Variants in CCDC18 observed in about 807,000 individuals in gnomAD.
CCDC18 encodes the protein coiled-coil domain containing 18, also known as coiled-coil domain-containing protein 18.
In CCDC18, 157 loss-of-function variants were observed where a neutral mutation model predicts 196.0. That is an observed-to-expected ratio of 0.80 (90% CI 0.70 to 0.91). CCDC18 has a LOEUF of 0.91. CCDC18 is among the 40% of genes least tolerant of loss of function. The probability of loss-of-function intolerance (pLI) is 0.00; values close to 1 mark genes in which losing one functional copy is unlikely to be tolerated. For synonymous variants in CCDC18, 482 were observed against 529.2 expected (o/e 0.91, Z 1.22); for missense variants, 1,465 against 1,611.6 (o/e 0.91, Z 1.56).
chr1:93,272,949 C>T (rs1011226796), intron 28 of CCDC18, among the ~76,000 whole-genome samples: 3 of 111,270 alleles, frequency 2.7e-5, no homozygotes, highest in Admixed American at 2.5e-4. Context: ...AGGAGTTGGT[C>T]TTGGATAAAA....
At chr1:93,180,513 T>A (rs200461387), upstream of CCDC18, 2,029 of 1,534,334 alleles carry the variant, frequency 1.3e-3, 2 homozygotes, top group Non-Finnish European at 1.6e-3. Context: ...CCTCTCCCCC[T>A]GACGGCCTCC....
intron 7 of CCDC18, 31 bp from the exon 8 acceptor site, chr1:93,205,479 A>G (rs1366260047): frequency 6.4e-7 from 1 of 1,553,760 alleles, no homozygotes; most frequent in East Asian, 2.3e-5. Context: ...TTACAACCAC[A>G]TTAGTATGTC....
rs1010414824 is a variant in CCDC18 at position 93,210,739 on chromosome 1, G to A, written c.1210-63G>A. 67 of 1,300,264 alleles carry A rather than the reference G, an allele frequency of 5.2e-5. 1 individual carries two copies. Among genetic ancestry groups the A allele is most frequent in the Middle Eastern group, 2.1e-4 (1 of 4,736 alleles). 80.5% of individuals were successfully genotyped at this position (1,300,264 alleles called of 1,614,324 possible). A position where few individuals can be genotyped will look rare whatever the true frequency, so the allele number is the denominator to read the frequency against. On this transcript the variant is annotated intron_variant, in intron 9 of 28. Transcript: ENST00000690025. ...TACAGTTTTTAAAATTTGAAGTTCTGAATAAAAAAGCAAATGCATCTCATT... is the reference window on the plus strand; with the variant it reads ...TACAGTTTTTAAAATTTGAAGTTCTAAATAAAAAAGCAAATGCATCTCATT...
chr1:93,197,913 G>A (rs978387162), intron 6 of CCDC18, among the ~76,000 whole-genome samples: 6 of 151,666 alleles, frequency 4.0e-5, no homozygotes, highest in African/African-American at 1.5e-4. Context: ...CACCATGCCT[G>A]GCTAATTTTT....
intron 7 of CCDC18, among the ~76,000 whole-genome samples, chr1:93,204,321 A>G (rs1003891444): frequency 3.3e-5 from 5 of 152,208 alleles, no homozygotes; most frequent in Admixed American, 6.5e-5. Context: ...AAGGAAATTG[A>G]ACGATTTTGA....
intron 23 of CCDC18, among the ~76,000 whole-genome samples, chr1:93,251,924 G>A (rs1662304727): frequency 6.6e-6 from 1 of 151,972 alleles, no homozygotes; most frequent in Non-Finnish European, 1.5e-5. Flanking sequence ...TTGCTCTTTT[G>A]ATGTTGTCCC....
At chr1:93,191,640 A>G (rs1651826248) in intron 4 of CCDC18, among the ~76,000 whole-genome samples, 2 of 152,206 alleles carry the variant, frequency 1.3e-5, no homozygotes, top group Admixed American at 6.5e-5. Context: ...TTTTTAAATC[A>G]TAAAAATTCA....
chr1:93,187,877 CT>C (rs1457803384), intron 4 of CCDC18, among the ~76,000 whole-genome samples: 1 of 151,978 alleles, frequency 6.6e-6, no homozygotes, highest in African/African-American at 2.4e-5. Context: ...CAAAATGTAC[CT>C]TTTCAGTATT....
intron 12 of CCDC18, 52 bp downstream of exon 12, chr1:93,215,018 AGGTATTATTTTAG>A: frequency 8.4e-7 from 1 of 1,195,286 alleles, no homozygotes; most frequent in Non-Finnish European, 1.2e-6. Flanking sequence ...CTAGAACAAA[AGGTATTATTTTAG>A]GGTTTTATAA....
At chr1:93,230,150 A>G (rs1023534841) in intron 17 of CCDC18, among the ~76,000 whole-genome samples, 1 of 151,988 alleles carries the variant, frequency 6.6e-6, no homozygotes, top group African/African-American at 2.4e-5. Flanking sequence ...TGGGAATATA[A>G]TAATACATTA....
At chr1:93,184,272 A>T (rs1019596774) in intron 3 of CCDC18, 126 bp downstream of exon 3, 1 of 330,380 alleles carries the variant, frequency 3.0e-6, no homozygotes, top group Non-Finnish European at 5.3e-6. Flanking sequence ...TACCTTATTC[A>T]TGGTTTCCAT....
chr1:93,274,679 A>G (rs939195687), intron 28 of CCDC18, among the ~76,000 whole-genome samples: 1 of 151,424 alleles, frequency 6.6e-6, no homozygotes, highest in African/African-American at 2.4e-5. Flanking sequence ...CCCGATCTCT[A>G]CAGAAAAATA....
chr1:93,240,280 C>T (rs1010088738), intron 21 of CCDC18, among the ~76,000 whole-genome samples: 1 of 152,166 alleles, frequency 6.6e-6, no homozygotes, highest in Admixed American at 6.5e-5. Context: ...CTATTAGAAA[C>T]ATATATCACC....
chr1:93,256,961 C>T (rs1663040740), intron 25 of CCDC18, among the ~76,000 whole-genome samples: 1 of 152,006 alleles, frequency 6.6e-6, no homozygotes. Flanking sequence ...GGCACGGTGG[C>T]TCATACCTGT....
At position 93,207,114 on chromosome 1, in the gene CCDC18, AAAG is replaced by A. The variant is rs1557625518; in HGVS notation, c.931_933del (p.Glu311del). ...ATTCTCTTTTCTTCATAGGCAGTTA[AAAG>A]AAGAAAATAACAACGGAAAAGAAAA... On this transcript the variant is annotated inframe_deletion, in exon 9 of 29. Coordinates refer to ENST00000690025, the MANE Select transcript of CCDC18 (RefSeq NM_001378204.1). The A allele has an allele frequency of 1.4e-6, 2 of 1,474,082 alleles. No individual in the cohort carries two copies. The highest frequency in any genetic ancestry group is 1.8e-4 in the Middle Eastern group (1 of 5,456). The allele number at this position is 1,474,082 out of a possible 1,614,324, so 91.3% of individuals were successfully genotyped here. A position where few individuals can be genotyped will look rare whatever the true frequency, so the allele number is the denominator to read the frequency against.
In CCDC18 at chr1:93,207,233, G is replaced by T; in HGVS notation, c.1044G>T (p.Glu348Asp). ...QSILKLESEL[E>D]NKDEILRDKF... Reference sequence around the variant, plus strand: ...TTTTGAAGCTAGAGAGTGAGTTAGAGAACAAAGACGAAATACTTAGAGACA... The same window carrying T: ...TTTTGAAGCTAGAGAGTGAGTTAGATAACAAAGACGAAATACTTAGAGACA... Residue 348 changes from glutamate (E) to aspartate (D), a missense_variant, in exon 9 of 29, where the codon GAG (glutamate) becomes GAT (aspartate). Physicochemically the swap from Glu to Asp is conservative, Grantham distance 45. Transcript: ENST00000690025. The T allele has an allele frequency of 6.2e-7, 1 of 1,613,550 alleles. No homozygotes were observed. Among genetic ancestry groups the T allele is most frequent in the African/African-American group, 1.3e-5 (1 of 75,020 alleles).
In CCDC18 at chr1:93,254,584, A is replaced by G; in HGVS notation, c.3312A>G (p.Arg1104=). Residue 1104 remains arginine (R), a synonymous_variant, in exon 24 of 29, where the codon AGA becomes AGG. Coordinates refer to ENST00000690025, the MANE Select transcript of CCDC18 (RefSeq NM_001378204.1). ...EISQLKKEIE[R]TQQRMKEMES... ...GTCAACTGAAAAAAGAAATTGAAAG[A>G]ACACAACAAAGGATGAAAGAAATGG... The G allele has an allele frequency of 6.2e-7, 1 of 1,611,126 alleles. No individual in the cohort carries two copies. The highest frequency in any genetic ancestry group is 1.3e-5 in the African/African-American group (1 of 74,830).
Position 93,180,796 on chromosome 1 carries a change from G to A in CCDC18, c.-59G>A. On this transcript the variant is annotated 5_prime_UTR_variant, in exon 1 of 29. Transcript: ENST00000690025. ...CCGAGGCTTCCACGCGCAGGGGCCC[G>A]GGAAAGGGTCAGAGGCTTCCTAACG... 1.5e-6 allele frequency: 2 copies of A among 1,367,780 alleles called. No individual in the cohort carries two copies. Among genetic ancestry groups the A allele is most frequent in the African/African-American group, 1.5e-5 (1 of 67,858 alleles). 84.7% of individuals were successfully genotyped at this position (1,367,780 alleles called of 1,614,324 possible). A position where few individuals can be genotyped will look rare whatever the true frequency, so the allele number is the denominator to read the frequency against.
intron 27 of CCDC18, among the ~76,000 whole-genome samples, chr1:93,269,284 G>A (rs982951779): frequency 2.8e-5 from 3 of 106,914 alleles, no homozygotes; most frequent in South Asian, 4.0e-4. Flanking sequence ...TGTGGGGTGG[G>A]GGGAGGGGGG....
Sources: allele counts gnomAD v4.1 joint callset (sites outside exome capture counted in the v4.1 genomes callset), GRCh38; gene constraint gnomAD v4.1.1; transcripts MANE v1.5; gene names NCBI Gene and HGNC (gene_info 2026-07-23, HGNC 2026-07-21).